CCNH: variants seen among roughly 807,000 people sequenced by gnomAD.
CCNH encodes cyclin H, also known as cyclin-H.
CCNH carries 31 observed loss-of-function variants against 41.9 expected under a neutral mutation model. That is an observed-to-expected ratio of 0.74 (90% CI 0.56 to 1.00). The LOEUF (loss-of-function observed/expected upper bound fraction) is 1.00, where lower values mean the gene tolerates loss of function less well. Ranked by LOEUF, CCNH falls within the 50% of genes least tolerant of loss-of-function variation. The pLI is 0.00. For synonymous variants in CCNH, 138 were observed against 136.1 expected, an observed-to-expected ratio of 1.01 and a Z score of -0.10; for missense variants, 362 against 388.4, an observed-to-expected ratio of 0.93 and a Z score of 0.57.
chr5:87,341,392 G>A, intron 9 of CCNH: 1 of 1,129,338 alleles, frequency 8.9e-7, no homozygotes, highest in Non-Finnish European at 1.2e-6. Flanking sequence ...GAAAACTTTG[G>A]CCAAAAAAAT....
chr5:87,322,657 A>G (rs747689661), intron 9 of CCNH, among the ~76,000 whole-genome samples: 4 of 152,150 alleles, frequency 2.6e-5, no homozygotes, highest in African/African-American at 4.8e-5. Flanking sequence ...TGCTTCCTCT[A>G]TAGTCCTGCA....
At chr5:87,363,676 C>G (rs1466783771) in intron 9 of CCNH, among the ~76,000 whole-genome samples, 1 of 152,026 alleles carries the variant, frequency 6.6e-6, no homozygotes, top group African/African-American at 2.4e-5. Context: ...TACATAAAGT[C>G]TACTTCATTG....
chr5:87,349,476 T>G (rs1243765183), intron 9 of CCNH: 1 of 1,245,614 alleles, frequency 8.0e-7, no homozygotes, highest in Non-Finnish European at 1.1e-6. Context: ...CTAAAAATTA[T>G]AAGACCTTCA....
intron 9 of CCNH, chr5:87,346,776 A>G (rs765496745): frequency 6.7e-6 from 9 of 1,352,856 alleles, no homozygotes; most frequent in Non-Finnish European, 9.5e-6. Context: ...AGAATAAAAA[A>G]GTGAACAAAC....
chr5:87,337,894 C>T lies in CCNH; in HGVS notation c.*91-18997G>A, dbSNP rs867931406. The T allele has an allele frequency of 1.1e-4, 156 of 1,390,800 alleles. 1 individual carries two copies. In the South Asian group the frequency reaches 2.2e-3, roughly 19 times the overall value. The allele number at this position is 1,390,800 out of a possible 1,614,324, so 86.2% of individuals were successfully genotyped here. A position where few individuals can be genotyped will look rare whatever the true frequency, so the allele number is the denominator to read the frequency against. On this transcript the variant is annotated intron_variant and NMD_transcript_variant, in intron 9 of 9. Transcript: ENST00000645953. ...TTTTTCAATATAATACTATCCCTAT[C>T]CTATTTTGTGGTATATGACTATTCT...
At chr5:87,346,744 C>A (rs760847054) in intron 9 of CCNH, 1 of 1,498,156 alleles carries the variant, frequency 6.7e-7, no homozygotes, top group South Asian at 1.1e-5. Flanking sequence ...TATTTACTTG[C>A]TTTTCTAATG....
At chr5:87,314,585 T>C (rs1208022306), downstream of CCNH, among the ~76,000 whole-genome samples, 1 of 152,096 alleles carries the variant, frequency 6.6e-6, no homozygotes, top group Non-Finnish European at 1.5e-5. Context: ...TCAGGTTGAA[T>C]TGTATTTAAT....
chr5:87,395,672 G>A (rs1762900511), intron 7 of CCNH, among the ~76,000 whole-genome samples: 1 of 152,116 alleles, frequency 6.6e-6, no homozygotes, highest in Non-Finnish European at 1.5e-5. Flanking sequence ...AAGAGTTTGA[G>A]GCCAGCCTGA....
At chr5:87,394,603 A>T in intron 8 of CCNH, 119 bp from the exon 9 acceptor site, 5 of 1,520,416 alleles carry the variant, frequency 3.3e-6, no homozygotes, top group Non-Finnish European at 4.4e-6. Context: ...ACAAAAGATA[A>T]ACCAGGAAAT....
intron 7 of CCNH, among the ~76,000 whole-genome samples, chr5:87,396,500 C>T (rs1762974963): frequency 6.6e-6 from 1 of 152,102 alleles, no homozygotes; most frequent in Non-Finnish European, 1.5e-5. Context: ...TGGCATGCAC[C>T]TGTCGTCCCA....
intron 9 of CCNH, chr5:87,369,696 T>C: frequency 1.3e-6 from 1 of 746,742 alleles, no homozygotes; most frequent in Non-Finnish European, 2.3e-6. Context: ...TGGAGTATTA[T>C]TTCTTTAAGA....
chr5:87,374,729 GTTT>G, downstream of CCNH: 1 of 1,151,972 alleles, frequency 8.7e-7, no homozygotes, highest in Non-Finnish European at 1.2e-6. Context: ...CTAGCACACT[GTTT>G]TTTTTTTTAA....
intron 4 of CCNH, 73 bp downstream of exon 4, chr5:87,407,903 T>C: frequency 8.5e-7 from 1 of 1,171,654 alleles, no homozygotes; most frequent in Non-Finnish European, 1.3e-6. Flanking sequence ...TTATGAGTTT[T>C]AAAATTTTGG....
chr5:87,344,462 A>G (rs1208874817), intron 9 of CCNH, among the ~76,000 whole-genome samples: 3 of 152,112 alleles, frequency 2.0e-5, no homozygotes, highest in African/African-American at 7.2e-5. Flanking sequence ...AGCACTTATC[A>G]TCTGTAGTTT....
At position 87,370,553 on chromosome 5, in the gene CCNH, T is replaced by C. The variant is rs1760852819; in HGVS notation, c.*90+22217A>G. Among the ~76,000 whole-genome samples the C allele has an allele frequency of 2.0e-5, 3 of 152,198 alleles. No homozygotes were observed. In the South Asian group the frequency reaches 6.2e-4, roughly 31 times the overall value. ...GGCTTATGCCTGTAGTCCCAGCCAC[T>C]GGGTAGAATGAGGCAGGAAGATTGC... On this transcript the variant is annotated intron_variant and NMD_transcript_variant, in intron 9 of 9. Coordinates refer to the CCNH transcript ENST00000645953.
At chr5:87,412,565 G>A (rs1395632654) in intron 1 of CCNH, 113 bp downstream of exon 1, 2 of 1,486,356 alleles carry the variant, frequency 1.3e-6, no homozygotes, top group Admixed American at 2.3e-5. Flanking sequence ...CGCACTCCGC[G>A]CCGCAGAGGC....
chr5:87,384,120 A>G (rs1232157460), intron 9 of CCNH, among the ~76,000 whole-genome samples: 1 of 152,148 alleles, frequency 6.6e-6, no homozygotes, highest in Non-Finnish European at 1.5e-5. Flanking sequence ...TGCTTAGCCC[A>G]TTGCTAGACT....
rs1305400293 is a variant in CCNH at position 87,349,282 on chromosome 5, C to T, written c.*91-30385G>A. On this transcript the variant is annotated intron_variant and NMD_transcript_variant, in intron 9 of 9. Coordinates refer to the CCNH transcript ENST00000645953. ...TCCTGGCGATTATTCACTTTATTTC[C>T]GGACCAATGAAAATATTCAGCGATT... 1.9e-6 allele frequency: 3 copies of T among 1,611,826 alleles called. No individual in the cohort carries two copies. The highest frequency in any genetic ancestry group is 1.3e-5 in the African/African-American group (1 of 74,746).
intron 9 of CCNH, among the ~76,000 whole-genome samples, chr5:87,362,890 T>C (rs1011352941): frequency 1.3e-5 from 2 of 151,542 alleles, no homozygotes; most frequent in Admixed American, 6.6e-5. Flanking sequence ...TGGTTTCTTT[T>C]TTTCTTTCTT....
Sources: allele counts gnomAD v4.1 joint callset (sites outside exome capture counted in the v4.1 genomes callset), GRCh38; gene constraint gnomAD v4.1.1; transcripts MANE v1.5; gene names NCBI Gene and HGNC (gene_info 2026-07-23, HGNC 2026-07-21).